Variants in IARS2 observed in about 807,000 individuals in gnomAD.
IARS2 encodes isoleucine--tRNA ligase, mitochondrial.
In IARS2, 56 loss-of-function variants were observed where a neutral mutation model predicts 126.3. That is an observed-to-expected ratio of 0.44 (90% CI 0.36 to 0.55). The LOEUF (loss-of-function observed/expected upper bound fraction) is 0.55, where lower values mean the gene tolerates loss of function less well. IARS2 is among the 20% of genes least tolerant of loss of function. The pLI is 0.00. For synonymous variants in IARS2, 407 were observed against 441.1 expected (o/e 0.92, Z 0.97); for missense variants, 1,127 against 1,245.9 (o/e 0.90, Z 1.44).
intron 1 of IARS2, 29 bp from the exon 2 acceptor site, chr1:220,096,075 T>A (rs761549159): frequency 7.9e-7 from 1 of 1,262,936 alleles, no homozygotes; most frequent in Admixed American, 2.0e-5. Context: ...TTATATGATG[T>A]TTAGATATCT....
At chr1:220,126,651 A>G (rs1264841801) in intron 13 of IARS2, 99 bp from the exon 14 acceptor site, 2 of 838,628 alleles carry the variant, frequency 2.4e-6, no homozygotes. Context: ...TGTGAACTTC[A>G]TGGTTGCATT....
intron 8 of IARS2, among the ~76,000 whole-genome samples, chr1:220,104,968 T>A (rs1656649990): frequency 6.6e-6 from 1 of 152,112 alleles, no homozygotes; most frequent in South Asian, 2.1e-4. Context: ...ATTAATCAGT[T>A]CAGATACAAG....
chr1:220,131,533 T>G (rs1035594649), intron 14 of IARS2, among the ~76,000 whole-genome samples: 7 of 152,056 alleles, frequency 4.6e-5, no homozygotes, highest in African/African-American at 1.7e-4. Context: ...GTATTTTTAG[T>G]AGAGACGGGG....
chr1:220,147,762 G>T lies in IARS2; in HGVS notation c.*127G>T. ...AGTGGATGAGTAAATGGTGGAGGATGGGAGTCAAAATCAGAATTATAGAAG... is the reference window on the plus strand; with the variant it reads ...AGTGGATGAGTAAATGGTGGAGGATTGGAGTCAAAATCAGAATTATAGAAG... On this transcript the variant is annotated 3_prime_UTR_variant, in exon 23 of 23. Coordinates refer to ENST00000366922, the MANE Select transcript of IARS2 (RefSeq NM_018060.4). 1 of 867,384 alleles carries T rather than the reference G, an allele frequency of 1.2e-6. No individual in the cohort carries two copies. The highest frequency in any genetic ancestry group is 1.8e-5 in the South Asian group (1 of 54,506). The allele number at this position is 867,384 out of a possible 1,614,324, so 53.7% of individuals were successfully genotyped here. A position where few individuals can be genotyped will look rare whatever the true frequency, so the allele number is the denominator to read the frequency against.
chr1:220,131,378 T>C (rs559603860), intron 14 of IARS2, among the ~76,000 whole-genome samples: 1 of 151,326 alleles, frequency 6.6e-6, no homozygotes, highest in South Asian at 2.1e-4. Context: ...TGAGATGGAG[T>C]TTCACTCTTA....
At position 220,094,186 on chromosome 1, in the gene IARS2, G is replaced by A; in HGVS notation, c.-31G>A. 1 of 1,518,028 alleles carries A rather than the reference G, an allele frequency of 6.6e-7. No homozygotes were observed. The highest frequency in any genetic ancestry group is 8.8e-7 in the Non-Finnish European group (1 of 1,138,408). 94.0% of individuals were successfully genotyped at this position (1,518,028 alleles called of 1,614,324 possible). ...TGCCCCTTCAAGCTGGGGCGGGAGC[G>A]GAGGACCCCGCTCTCAGGGGTTGCC... On this transcript the variant is annotated 5_prime_UTR_variant, in exon 1 of 23. Transcript: ENST00000366922.
At chr1:220,132,699 C>T (rs968030490) in intron 14 of IARS2, among the ~76,000 whole-genome samples, 4 of 150,916 alleles carry the variant, frequency 2.7e-5, no homozygotes, top group East Asian at 2.0e-4. Context: ...CTAATGTTTG[C>T]GTTTTTAGTA....
At chr1:220,143,250 C>G in intron 21 of IARS2, 116 bp downstream of exon 21, 1 of 579,206 alleles carries the variant, frequency 1.7e-6, no homozygotes, top group East Asian at 2.8e-5. Context: ...TGTAACTTTA[C>G]TATGCAATTA....
At chr1:220,095,958 T>G (rs937527624) in intron 1 of IARS2, 146 bp from the exon 2 acceptor site, 1 of 544,978 alleles carries the variant, frequency 1.8e-6, no homozygotes, top group African/African-American at 1.9e-5. Flanking sequence ...AAACCTCACC[T>G]TGTATTTCAG....
chr1:220,139,516 C>T (rs971814207), intron 18 of IARS2, among the ~76,000 whole-genome samples: 4 of 152,078 alleles, frequency 2.6e-5, no homozygotes, highest in Admixed American at 6.5e-5. Flanking sequence ...TTTGGGAGGC[C>T]GAGGTGGGAG....
Position 220,094,318 on chromosome 1 carries a change from AG to A in IARS2, c.106del (p.Ala36ArgfsTer38). 1 of 1,612,564 alleles carries A rather than the reference AG, an allele frequency of 6.2e-7. No homozygotes were observed. Among genetic ancestry groups the A allele is most frequent in the Non-Finnish European group, 8.5e-7 (1 of 1,179,446 alleles). On this transcript the variant is annotated frameshift_variant, in exon 1 of 23. Transcript: ENST00000366922. LOFTEE classifies it high-confidence loss of function. ...PRLPCSPGWQ[G>X]ATKRLLVRSV... ...GCCTTCCCTGCAGCCCGGGATGGCA[AG>A]GGGCGACGAAGAGGCTTCTGGTGCG...
Position 220,142,945 on chromosome 1 carries a change from G to A in IARS2, c.2562G>A (p.Glu854=). Residue 854 remains glutamate (E), a splice_region_variant and synonymous_variant, in exon 21 of 23, where the codon GAG becomes GAA. Transcript: ENST00000366922. ...EVFQHIPYIK[E]PKSVFRTGWI... Reference sequence around the variant, plus strand: ...TTTACTATTTTTGTTCTTCTGAAGAGCCCAAGAGTGTTTTCCGTACTGGGT... The same window carrying A: ...TTTACTATTTTTGTTCTTCTGAAGAACCCAAGAGTGTTTTCCGTACTGGGT... 6.2e-7 allele frequency: 1 copy of A among 1,606,320 alleles called. No individual in the cohort carries two copies. The highest frequency in any genetic ancestry group is 8.5e-7 in the Non-Finnish European group (1 of 1,174,820).
rs757873163 is a variant in IARS2 at position 220,136,767 on chromosome 1, A to G, written c.1947-42A>G. 49 of 1,035,102 alleles carry G rather than the reference A, an allele frequency of 4.7e-5. No individual in the cohort carries two copies. The Middle Eastern group carries it at 6.2e-4, about 13-fold the overall frequency. The allele number at this position is 1,035,102 out of a possible 1,614,324, so 64.1% of individuals were successfully genotyped here. ...GTACCTAATCTTCAAAAAGATAATT[A>G]TAATTGTGTTTATCATTAAAATAGC... On this transcript the variant is annotated intron_variant, in intron 15 of 22. Transcript: ENST00000366922.
intron 12 of IARS2, 109 bp from the exon 13 acceptor site, chr1:220,125,128 C>CTGCTGCTTTTGAAGAAGCT: frequency 1.7e-6 from 1 of 573,022 alleles, no homozygotes; most frequent in South Asian, 4.0e-5. Context: ...TTTCTTCAAA[C>CTGCTGCTTTTGAAGAAGCT]TAAGGTTTGA....
chr1:220,141,899 T>C lies in IARS2; in HGVS notation c.2511T>C (p.Ile837=), dbSNP rs1396289595. 8 of 1,614,078 alleles carry C rather than the reference T, an allele frequency of 5.0e-6. No individual in the cohort carries two copies. In the East Asian group the frequency reaches 1.8e-4, roughly 36 times the overall value. ...TAATAGTTCGTTCTTTTGCTCCCATTCTTCCTCACCTGGCTGAAGAGGTGT... is the reference window on the plus strand; with the variant it reads ...TAATAGTTCGTTCTTTTGCTCCCATCCTTCCTCACCTGGCTGAAGAGGTGT... ...LDVIVRSFAP[I]LPHLAEEVFQ... The change falls in exon 20 of 23, where the codon ATT becomes ATC. Residue 837 remains isoleucine (I), a synonymous_variant. Transcript: ENST00000366922.
In IARS2 at chr1:220,096,084, C is replaced by CT. The variant is rs376359534; in HGVS notation, c.268-8dup. The stretch of plus-strand genomic sequence containing the variant: ...ATGTATTTATATGATGTTTAGATAT[C>CT]TTTTTTTTTTTTAAAACAGAAATGT... On this transcript the variant is annotated intron_variant, in intron 1 of 22. Transcript: ENST00000366922. 29,473 of 946,362 alleles carry CT rather than the reference C, an allele frequency of 0.031. No homozygotes were observed. The highest frequency in any genetic ancestry group is 0.041 in the South Asian group (2,223 of 54,658). 58.6% of individuals were successfully genotyped at this position (946,362 alleles called of 1,614,324 possible).
intron 1 of IARS2, 29 bp downstream of exon 1, chr1:220,094,512 C>G: frequency 6.5e-7 from 1 of 1,536,090 alleles, no homozygotes; most frequent in Non-Finnish European, 8.7e-7. Flanking sequence ...CGCGGGGCCT[C>G]CAGAGAGGCC....
intron 12 of IARS2, among the ~76,000 whole-genome samples, chr1:220,115,211 A>G (rs1656889914): frequency 6.6e-6 from 1 of 152,178 alleles, no homozygotes; most frequent in African/African-American, 2.4e-5. Context: ...ATTTATTCCA[A>G]ATCACTACAC....
chr1:220,136,980 A>G, intron 16 of IARS2, 69 bp downstream of exon 16: 1 of 831,110 alleles, frequency 1.2e-6, no homozygotes, highest in Non-Finnish European at 2.0e-6. Flanking sequence ...AAAGCCCTTA[A>G]TATAGTTACT....
Sources: allele counts gnomAD v4.1 joint callset (sites outside exome capture counted in the v4.1 genomes callset), GRCh38; gene constraint gnomAD v4.1.1; transcripts MANE v1.5; gene names NCBI Gene and HGNC (gene_info 2026-07-23, HGNC 2026-07-21).